FHIT: variants seen among roughly 807,000 people sequenced by gnomAD.
The protein encoded by FHIT is fragile histidine triad diadenosine triphosphatase.
Under a neutral mutation model 17.9 loss-of-function variants are expected in FHIT, and 19 were observed. The observed-to-expected ratio is 1.06, with a 90% CI of 0.74 to 1.56. The LOEUF is 1.56. Among genes scored for constraint, FHIT ranks in the 40% most tolerant of loss-of-function variants. FHIT has a pLI of 0.00. For missense variants in FHIT, 248 were observed against 189.2 expected, an observed-to-expected ratio of 1.31 and a Z score of -1.82; for synonymous variants, 81 against 69.7, an observed-to-expected ratio of 1.16 and a Z score of -0.81.
intron 5 of FHIT, among the ~76,000 whole-genome samples, chr3:60,162,391 G>A (rs571102212): frequency 4.6e-5 from 7 of 152,150 alleles, no homozygotes; most frequent in Non-Finnish European, 8.8e-5. Flanking sequence ...AGTAAGGGTC[G>A]GTTACAAATT....
chr3:61,187,914 T>C (rs2107194534), intron 2 of FHIT, among the ~76,000 whole-genome samples: 1 of 152,298 alleles, frequency 6.6e-6, no homozygotes, highest in Non-Finnish European at 1.5e-5. Context: ...CCAGAATCTC[T>C]GGGACACATT....
chr3:60,886,605 T>G (rs2107151854), intron 3 of FHIT, among the ~76,000 whole-genome samples: 1 of 151,934 alleles, frequency 6.6e-6, no homozygotes, highest in African/African-American at 2.4e-5. Flanking sequence ...AAAGGTAGGG[T>G]TTTAAAGCTG....
intron 8 of FHIT, among the ~76,000 whole-genome samples, chr3:59,829,774 G>A (rs1282168590): frequency 6.6e-6 from 1 of 152,172 alleles, no homozygotes; most frequent in African/African-American, 2.4e-5. Flanking sequence ...CAGTGATACA[G>A]AGGCTGCAGG....
At chr3:60,609,924 T>G (rs534543511) in intron 4 of FHIT, among the ~76,000 whole-genome samples, 12 of 152,346 alleles carry the variant, frequency 7.9e-5, no homozygotes, top group African/African-American at 2.6e-4. Context: ...AAGATTAGAC[T>G]GATTGAATAC....
chr3:60,354,500 TAC>T (rs1318405623), intron 5 of FHIT, among the ~76,000 whole-genome samples: 1 of 152,090 alleles, frequency 6.6e-6, no homozygotes, highest in Non-Finnish European at 1.5e-5. Flanking sequence ...AAGAAACAGA[TAC>T]AGAGTAGTTA....
At chr3:60,509,116 T>A (rs2107539493) in intron 5 of FHIT, among the ~76,000 whole-genome samples, 1 of 152,226 alleles carries the variant, frequency 6.6e-6, no homozygotes, top group African/African-American at 2.4e-5. Flanking sequence ...TAAAACACCT[T>A]ATCTACCAAG....
At chr3:60,898,603 T>A (rs112626408) in intron 3 of FHIT, among the ~76,000 whole-genome samples, 1 of 152,236 alleles carries the variant, frequency 6.6e-6, no homozygotes, top group Non-Finnish European at 1.5e-5. Context: ...ACATTACTGA[T>A]GTCTGCCCAA....
At chr3:59,754,268 A>G in intron 8 of FHIT, among the ~76,000 whole-genome samples, 1 of 152,190 alleles carries the variant, frequency 6.6e-6, no homozygotes, top group Non-Finnish European at 1.5e-5. Flanking sequence ...AGATACATTT[A>G]TGAGGGTCAT....
intron 5 of FHIT, among the ~76,000 whole-genome samples, chr3:60,189,294 C>T (rs1317913593): frequency 6.6e-6 from 1 of 151,986 alleles, no homozygotes; most frequent in East Asian, 1.9e-4. Context: ...ACTAGATCTC[C>T]GGATTTTTTT....
intron 4 of FHIT, among the ~76,000 whole-genome samples, chr3:60,816,194 G>A (rs1701733908): frequency 6.6e-6 from 1 of 151,950 alleles, no homozygotes; most frequent in Non-Finnish European, 1.5e-5. Context: ...AAGAGAGATA[G>A]TTTGATTTCT....
At chr3:61,209,443 T>G (rs938152406) in intron 1 of FHIT, among the ~76,000 whole-genome samples, 4 of 152,236 alleles carry the variant, frequency 2.6e-5, no homozygotes, top group Non-Finnish European at 5.9e-5. Flanking sequence ...CCCCGTCACT[T>G]TCAGGTACAC....
chr3:60,413,375 A>G (rs746913555), intron 5 of FHIT, among the ~76,000 whole-genome samples: 1 of 152,150 alleles, frequency 6.6e-6, no homozygotes, highest in Non-Finnish European at 1.5e-5. Flanking sequence ...AAGAAAAGAA[A>G]GGCAGAGAAC....
intron 8 of FHIT, among the ~76,000 whole-genome samples, chr3:59,791,322 G>C (rs115664193): frequency 6.6e-6 from 1 of 152,118 alleles, no homozygotes; most frequent in African/African-American, 2.4e-5. Flanking sequence ...CTGAAGCAGC[G>C]GGGGTGGGGT....
chr3:60,698,404 G>T (rs1553701233), intron 4 of FHIT, among the ~76,000 whole-genome samples: 1 of 152,154 alleles, frequency 6.6e-6, no homozygotes, highest in Non-Finnish European at 1.5e-5. Context: ...TATCAGAAAG[G>T]TGTGCGGCTT....
chr3:60,978,416 T>G (rs1294395819), intron 3 of FHIT, among the ~76,000 whole-genome samples: 1 of 147,902 alleles, frequency 6.8e-6, no homozygotes, highest in East Asian at 1.9e-4. Context: ...AGGGTTAGTC[T>G]TTGAGCCTGG....
At chr3:60,535,155 C>G (rs1433862555) in intron 5 of FHIT, among the ~76,000 whole-genome samples, 1 of 152,120 alleles carries the variant, frequency 6.6e-6, no homozygotes, top group Non-Finnish European at 1.5e-5. Context: ...ACCCGGGAGG[C>G]AGAGATTGTA....
intron 7 of FHIT, among the ~76,000 whole-genome samples, chr3:59,963,540 G>A (rs1037746567): frequency 2.0e-5 from 3 of 152,126 alleles, no homozygotes; most frequent in Non-Finnish European, 2.9e-5. Context: ...TCAGTGGATA[G>A]GGATGAGAAG....
intron 5 of FHIT, among the ~76,000 whole-genome samples, chr3:60,491,733 A>G (rs2107501618): frequency 6.6e-6 from 1 of 152,348 alleles, no homozygotes; most frequent in East Asian, 1.9e-4. Flanking sequence ...TTTTATAACC[A>G]TCAGCTAGTG....
At chr3:60,099,125 G>C (rs967244247) in intron 5 of FHIT, among the ~76,000 whole-genome samples, 3 of 152,118 alleles carry the variant, frequency 2.0e-5, no homozygotes, top group Non-Finnish European at 4.4e-5. Context: ...CAGCCAAAGA[G>C]TAATCATGCG....
Sources: gnomAD v4.1 joint callset for allele counts (sites outside exome capture counted in the v4.1 genomes callset) on GRCh38, gnomAD v4.1.1 for gene constraint, MANE v1.5 for transcripts, NCBI Gene and HGNC (gene_info 2026-07-23, HGNC 2026-07-21) for gene names.